The following XRCC1 variants were observed in gnomAD, a reference collection of about 807,000 sequenced individuals.
XRCC1 encodes the protein X-ray repair cross complementing 1.
XRCC1 carries 52 observed loss-of-function variants against 83.3 expected under a neutral mutation model. The observed-to-expected ratio is 0.62, with a 90% CI of 0.50 to 0.79. XRCC1 has a LOEUF of 0.79. XRCC1 is among the 30% of genes least tolerant of loss of function. The pLI, the probability that XRCC1 is intolerant of heterozygous loss-of-function variation, is 0.00. For synonymous variants in XRCC1, 281 were observed against 312.6 expected (o/e 0.90, Z 1.07); for missense variants, 793 against 823.5 (o/e 0.96, Z 0.45).
chr19:43,571,133 T>C (rs1972803493), intron 2 of XRCC1, among the ~76,000 whole-genome samples: 1 of 152,130 alleles, frequency 6.6e-6, no homozygotes, highest in Admixed American at 6.5e-5. Flanking sequence ...AAAGCTCAAG[T>C]CCTTTCAATG....
chr19:43,559,627 AG>A (rs1375429644), intron 3 of XRCC1, among the ~76,000 whole-genome samples: 2 of 152,210 alleles, frequency 1.3e-5, no homozygotes, highest in East Asian at 3.8e-4. Context: ...CATAGGAGAC[AG>A]GCAGAATAAC....
Position 43,551,688 on chromosome 19 carries a change from C to T in XRCC1, c.1083-1G>A, listed in dbSNP as rs2146049276. 6.2e-7 allele frequency: 1 copy of T among 1,613,456 alleles called. No homozygotes were observed. The highest frequency in any genetic ancestry group is 8.5e-7 in the Non-Finnish European group (1 of 1,179,544). On this transcript the variant is annotated splice_acceptor_variant, in intron 9 of 16. Coordinates refer to ENST00000262887, the MANE Select transcript of XRCC1 (RefSeq NM_006297.3). LOFTEE classifies it high-confidence loss of function. ...CTTGGGGGTGTTGGCAAAGGCACAGCTGGTGGGGGGCAGAAGTGAAGATGC... is the reference window on the plus strand; with the variant it reads ...CTTGGGGGTGTTGGCAAAGGCACAGTTGGTGGGGGGCAGAAGTGAAGATGC...
intron 15 of XRCC1, 80 bp downstream of exon 15, chr19:43,544,064 A>AC: frequency 7.6e-7 from 1 of 1,316,414 alleles, no homozygotes; most frequent in Non-Finnish European, 1.0e-6. Flanking sequence ...TCTTTCCCAC[A>AC]CCCCCACCCC....
Position 43,551,608 on chromosome 19 carries a change from C to T in XRCC1, c.1162G>A (p.Asp388Asn), listed in dbSNP as rs200332207. 23 of 1,614,094 alleles carry T rather than the reference C, an allele frequency of 1.4e-5. No homozygotes were observed. In the Admixed American group the frequency reaches 3.3e-4, roughly 23 times the overall value. The change falls in exon 10 of 17, where the codon GAC becomes AAC. Residue 388 changes from aspartate to asparagine, a missense_variant. Transcript: ENST00000262887. ...GRIVRKEWVL[D>N]CHRMRRRLPS... The stretch of plus-strand genomic sequence containing the variant: ...AGCCGCCGACGCATGCGGTGACAGT[C>T]CAGCACCCACTCCTTACGCACGATG...
intron 14 of XRCC1, among the ~76,000 whole-genome samples, chr19:43,545,434 G>A (rs1217684114): frequency 6.6e-6 from 1 of 152,230 alleles, no homozygotes; most frequent in Non-Finnish European, 1.5e-5. Context: ...GGGCCTGACA[G>A]AGAGCAGTGC....
At chr19:43,547,749 C>T (rs1972527725) in intron 10 of XRCC1, among the ~76,000 whole-genome samples, 1 of 152,136 alleles carries the variant, frequency 6.6e-6, no homozygotes, top group African/African-American at 2.4e-5. Context: ...ATCCACCCAC[C>T]TCAGCCTCCC....
chr19:43,562,729 T>G (rs965060092), intron 2 of XRCC1, among the ~76,000 whole-genome samples: 2 of 152,056 alleles, frequency 1.3e-5, no homozygotes, highest in African/African-American at 4.8e-5. Context: ...GACAGAGTGA[T>G]GAGACCTTGT....
chr19:43,573,059 G>C (rs148767723), intron 2 of XRCC1, among the ~76,000 whole-genome samples: 19 of 149,654 alleles, frequency 1.3e-4, no homozygotes, highest in African/African-American at 2.2e-4. Flanking sequence ...CAGCCTCCCT[G>C]GTAGCTGGGA....
chr19:43,574,827 C>T, intron 2 of XRCC1, 83 bp downstream of exon 2: 1 of 1,136,266 alleles, frequency 8.8e-7, no homozygotes, highest in Non-Finnish European at 1.3e-6. Flanking sequence ...GTGACTAAAC[C>T]CACTGCCAGT....
chr19:43,569,405 G>A (rs1972785545), intron 2 of XRCC1, among the ~76,000 whole-genome samples: 1 of 151,700 alleles, frequency 6.6e-6, no homozygotes. Flanking sequence ...GAGCCCGGGA[G>A]GTCGAGCCTG....
chr19:43,545,725 G>A (rs1972501234), intron 14 of XRCC1, 93 bp downstream of exon 14: 5 of 1,527,140 alleles, frequency 3.3e-6, no homozygotes, highest in South Asian at 1.2e-5. Context: ...AAGACACGGG[G>A]GCAGCAGTGA....
At chr19:43,567,763 G>C (rs890728408) in intron 2 of XRCC1, among the ~76,000 whole-genome samples, 7 of 152,232 alleles carry the variant, frequency 4.6e-5, no homozygotes, top group Admixed American at 4.6e-4. Flanking sequence ...AGCTTTCTCA[G>C]GGAGACACAG....
At chr19:43,574,067 C>G (rs1972830595) in intron 2 of XRCC1, among the ~76,000 whole-genome samples, 1 of 151,258 alleles carries the variant, frequency 6.6e-6, no homozygotes, top group African/African-American at 2.4e-5. Context: ...AATGCCAGCT[C>G]TCATTATTAT....
At chr19:43,552,766 C>T (rs747363268) in intron 8 of XRCC1, 31 bp downstream of exon 8, 1 of 1,560,582 alleles carries the variant, frequency 6.4e-7, no homozygotes, top group South Asian at 1.2e-5. Context: ...AGCACAGGCC[C>T]CTGTGGAAAC....
Position 43,546,634 on chromosome 19 carries a change from C to G in XRCC1, c.1387G>C (p.Val463Leu). ...TPEETKAASP[V>L]LQEDIDIEGV... ...TCAATGTCTATATCTTCCTGGAGCA[C>G]TGGTGAGGCTGCTTTGGTCTCTTCA... is the stretch of plus-strand genomic sequence containing the variant. The change falls in exon 12 of 17, where the codon GTG becomes CTG. Residue 463 changes from valine (V) to leucine (L), a missense_variant. Physicochemically the swap from Val to Leu is conservative, Grantham distance 32. Coordinates refer to ENST00000262887, the MANE Select transcript of XRCC1 (RefSeq NM_006297.3). 6.2e-7 allele frequency: 1 copy of G among 1,611,824 alleles called. No individual in the cohort carries two copies. The highest frequency in any genetic ancestry group is 8.5e-7 in the Non-Finnish European group (1 of 1,179,412).
At position 43,546,739 on chromosome 19, in the gene XRCC1, G is replaced by A. The variant is rs777006541; in HGVS notation, c.1294-12C>T. The stretch of plus-strand genomic sequence containing the variant: ...TTGGTCTGGGGTTGCTAAGGAGGGA[G>A]AGTGGGTGGGTGAGGAGGGCAGGAA... On this transcript the variant is annotated splice_polypyrimidine_tract_variant and intron_variant, in intron 11 of 16. Coordinates refer to ENST00000262887, the MANE Select transcript of XRCC1 (RefSeq NM_006297.3). 1.9e-6 allele frequency: 3 copies of A among 1,604,884 alleles called. No homozygotes were observed. Among genetic ancestry groups the A allele is most frequent in the Non-Finnish European group, 2.6e-6 (3 of 1,175,862 alleles).
At chr19:43,547,511 C>T (rs1972525256) in intron 10 of XRCC1, among the ~76,000 whole-genome samples, 1 of 145,110 alleles carries the variant, frequency 6.9e-6, no homozygotes, top group Admixed American at 6.9e-5. Flanking sequence ...GACAAGATCT[C>T]ACTCTGTCAC....
intron 10 of XRCC1, among the ~76,000 whole-genome samples, chr19:43,548,355 T>G (rs1007796374): frequency 1.4e-4 from 22 of 152,172 alleles, no homozygotes; most frequent in African/African-American, 4.8e-4. Flanking sequence ...GGGGAAAAGA[T>G]AGAGAAATCA....
chr19:43,567,244 G>T (rs1017382810), intron 2 of XRCC1, among the ~76,000 whole-genome samples: 3 of 148,230 alleles, frequency 2.0e-5, no homozygotes, highest in Non-Finnish European at 4.4e-5. Context: ...GAATGGAGAT[G>T]GTTGAAGAAC....
Sources: allele counts gnomAD v4.1 joint callset (sites outside exome capture counted in the v4.1 genomes callset), GRCh38; gene constraint gnomAD v4.1.1; transcripts MANE v1.5; gene names NCBI Gene and HGNC (gene_info 2026-07-23, HGNC 2026-07-21).